Variants in ATXN2 observed in about 807,000 individuals in gnomAD.
ATXN2 encodes the protein ataxin 2, also known as ataxin-2.
Under a neutral mutation model 138.6 loss-of-function variants are expected in ATXN2, and 37 were observed. That is an observed-to-expected ratio of 0.27 (90% CI 0.21 to 0.35). The LOEUF (loss-of-function observed/expected upper bound fraction) is 0.35, where lower values mean the gene tolerates loss of function less well. Ranked by LOEUF, ATXN2 falls within the 10% of genes least tolerant of loss-of-function variation. The pLI is 1.00. For missense variants in ATXN2, 1,216 were observed against 1,480.3 expected, an observed-to-expected ratio of 0.82 and a Z score of 2.93; for synonymous variants, 549 against 543.7, an observed-to-expected ratio of 1.01 and a Z score of -0.13.
At chr12:111,582,728 G>C (rs1261735881) in intron 1 of ATXN2, among the ~76,000 whole-genome samples, 2 of 152,188 alleles carry the variant, frequency 1.3e-5, no homozygotes, top group Non-Finnish European at 2.9e-5. Flanking sequence ...GAGTGCAGTG[G>C]CACCATCTCC....
At chr12:111,478,822 C>T (rs1393489036) in intron 18 of ATXN2, among the ~76,000 whole-genome samples, 3 of 151,862 alleles carry the variant, frequency 2.0e-5, no homozygotes, top group African/African-American at 4.8e-5. Context: ...GCCTGGCCAA[C>T]GTGGTGAAAC....
chr12:111,588,504 C>T (rs1232494041), intron 1 of ATXN2, among the ~76,000 whole-genome samples: 1 of 151,782 alleles, frequency 6.6e-6, no homozygotes, highest in Non-Finnish European at 1.5e-5. Context: ...TGCCTGCAGT[C>T]CCAGCTACTC....
intron 5 of ATXN2, among the ~76,000 whole-genome samples, chr12:111,543,248 G>A (rs780262695): frequency 2.0e-4 from 31 of 152,074 alleles, no homozygotes; most frequent in Non-Finnish European, 4.3e-4. Flanking sequence ...ATGTCACGCC[G>A]TTCAGAAGAG....
In ATXN2 at chr12:111,552,308, T is replaced by C. The variant is rs1284924440; in HGVS notation, c.543A>G (p.Lys181=). 2 of 1,610,658 alleles carry C rather than the reference T, an allele frequency of 1.2e-6. No homozygotes were observed. Among genetic ancestry groups the C allele is most frequent in the African/African-American group, 2.7e-5 (2 of 74,742 alleles). The change falls in exon 5 of 25, where the codon AAA becomes AAG. Residue 181 remains lysine, a synonymous_variant. Coordinates refer to ENST00000673436, the MANE Select transcript of ATXN2 (RefSeq NM_001372574.1). This position sits in a 1 kb window ranked among gnomAD's most constrained non-coding sequence, Gnocchi z 4.1. ...TTTTTGCATAACTGGAGTCCATATC[T>C]TTAAACTGTACCACAACAAAGTCTG... ...KCSDFVVVQF[K]DMDSSYAKRD...
intron 5 of ATXN2, among the ~76,000 whole-genome samples, chr12:111,540,726 A>G (rs1881455022): frequency 7.5e-6 from 1 of 133,490 alleles, no homozygotes; most frequent in African/African-American, 2.8e-5. Context: ...AGATGGAGTC[A>G]CTCTGTCGCC....
intron 14 of ATXN2, among the ~76,000 whole-genome samples, chr12:111,502,821 C>A (rs887923737): frequency 8.5e-5 from 13 of 152,146 alleles, no homozygotes; most frequent in Admixed American, 7.9e-4. Context: ...CTATATTTTG[C>A]TAGTAAGAAT....
chr12:111,465,089 G>C (rs979095857), intron 20 of ATXN2, among the ~76,000 whole-genome samples: 5 of 151,786 alleles, frequency 3.3e-5, no homozygotes, highest in Admixed American at 1.3e-4. Flanking sequence ...CATTACTAAT[G>C]GAAATGTCAT....
At chr12:111,503,603 T>A in intron 14 of ATXN2, among the ~76,000 whole-genome samples, 1 of 151,662 alleles carries the variant, frequency 6.6e-6, no homozygotes, top group East Asian at 1.9e-4. Context: ...TTTTTTCCAC[T>A]CTCTTTTTTT....
At chr12:111,551,995 A>G (rs941395580) in intron 5 of ATXN2, among the ~76,000 whole-genome samples, 1 of 151,800 alleles carries the variant, frequency 6.6e-6, no homozygotes, top group African/African-American at 2.4e-5. Flanking sequence ...ATTCTGTCTC[A>G]GCCTCCCTAG....
intron 11 of ATXN2, chr12:111,511,301 C>T (rs563466707): frequency 6.6e-6 from 1 of 151,654 alleles, no homozygotes; most frequent in Non-Finnish European, 1.5e-5. Flanking sequence ...TCAACAACTG[C>T]CATTTTTCCA....
chr12:111,477,537 TTTC>T (rs559977917), intron 18 of ATXN2, among the ~76,000 whole-genome samples: 33 of 152,172 alleles, frequency 2.2e-4, no homozygotes, highest in South Asian at 6.2e-4. Context: ...ACGTAAAAGA[TTTC>T]TTATTATGAT....
At position 111,495,941 on chromosome 12, in the gene ATXN2, C is replaced by T. The variant is rs192095798; in HGVS notation, c.1936-7161G>A. 1.1e-3 allele frequency among the ~76,000 whole-genome samples: 161 copies of T among 147,308 alleles called. 1 individual carries two copies. Among genetic ancestry groups the T allele is most frequent in the African/African-American group, 4.1e-3 (158 of 39,010 alleles). ...GGTGGATTGCTTGAGCTCAGGAGTTCGAAACAACCCTGGGACACATCGCAA... is the reference window on the plus strand; with the variant it reads ...GGTGGATTGCTTGAGCTCAGGAGTTTGAAACAACCCTGGGACACATCGCAA... On this transcript the variant is annotated intron_variant, in intron 14 of 24. Transcript: ENST00000673436.
chr12:111,453,516 G>A lies in ATXN2; in HGVS notation c.3439+161C>T, dbSNP rs1478427642. 1 of 1,352,166 alleles carries A rather than the reference G, an allele frequency of 7.4e-7. No individual in the cohort carries two copies. Among genetic ancestry groups the A allele is most frequent in the East Asian group, 2.9e-5 (1 of 33,970 alleles). 83.8% of individuals were successfully genotyped at this position (1,352,166 alleles called of 1,614,324 possible). ...TCGGCTCCCGGAAGCCTCAGGCCCT[G>A]ATGCTGAACTGATCGTCACAGTCCC... On this transcript the variant is annotated intron_variant, in intron 24 of 24. Transcript: ENST00000673436. The surrounding 1 kb of genome is among the most constrained non-coding windows in gnomAD (Gnocchi z 5.4).
chr12:111,461,217 C>G (rs1875556266), intron 21 of ATXN2: 1 of 152,146 alleles, frequency 6.6e-6, no homozygotes, highest in South Asian at 2.1e-4. Flanking sequence ...CGCTTGTAAT[C>G]CCAGCATTTT....
chr12:111,536,139 G>C lies in ATXN2; in HGVS notation c.572-10823C>G, dbSNP rs1881159771. On this transcript the variant is annotated intron_variant, in intron 5 of 24. Transcript: ENST00000673436. ...ACTGAAGATTTTGAGCAAGGGATGA[G>C]ATGATCTAATAAAAGCAATGTCTAA... Among the ~76,000 whole-genome samples, 4 of 152,176 alleles carry C rather than the reference G, an allele frequency of 2.6e-5. No homozygotes were observed. In the South Asian group the frequency reaches 8.3e-4, roughly 32 times the overall value.
chr12:111,589,009 A>AAAAC (rs1884497942), intron 1 of ATXN2, among the ~76,000 whole-genome samples: 1 of 147,540 alleles, frequency 6.8e-6, no homozygotes, highest in Non-Finnish European at 1.5e-5. Flanking sequence ...AAAAAAAAAA[A>AAAAC]AAAAAAAAAA....
chr12:111,580,286 G>C (rs1407500722), intron 1 of ATXN2, among the ~76,000 whole-genome samples: 2 of 151,948 alleles, frequency 1.3e-5, no homozygotes, highest in East Asian at 3.9e-4. Context: ...TTTGACACCA[G>C]CCTGGGCAAC....
chr12:111,596,835 T>C (rs1884963541), intron 1 of ATXN2, among the ~76,000 whole-genome samples: 1 of 152,200 alleles, frequency 6.6e-6, no homozygotes, highest in African/African-American at 2.4e-5. Flanking sequence ...CCAAATATCT[T>C]TGATCACTCA....
chr12:111,463,968 A>G (rs1875785017), intron 21 of ATXN2, among the ~76,000 whole-genome samples: 1 of 151,846 alleles, frequency 6.6e-6, no homozygotes, highest in Non-Finnish European at 1.5e-5. Flanking sequence ...TGTATTTTTT[A>G]GTAGAGATGG....
Sources: gnomAD v4.1 joint callset for allele counts (sites outside exome capture counted in the v4.1 genomes callset) on GRCh38, gnomAD v4.1.1 for gene constraint, Gnocchi (gnomAD v3.1) non-coding constraint, MANE v1.5 for transcripts, NCBI Gene and HGNC (gene_info 2026-07-23, HGNC 2026-07-21) for gene names.